CDNF: variants seen among roughly 807,000 people sequenced by gnomAD.
The protein encoded by CDNF is ARMET-like protein 1.
Under a neutral mutation model 14.8 loss-of-function variants are expected in CDNF, and 9 were observed. The observed-to-expected ratio is 0.61, with a 90% CI of 0.37 to 1.06. The LOEUF is 1.06. Among genes scored for constraint, CDNF ranks in the 50% least tolerant of loss-of-function variants. The probability of loss-of-function intolerance (pLI) is 0.01; values close to 1 mark genes in which losing one functional copy is unlikely to be tolerated. For missense variants in CDNF, 228 were observed against 228.4 expected (o/e 1.00, Z 0.01); for synonymous variants, 86 against 87.2 (o/e 0.99, Z 0.07).
chr10:14,835,143 A>G (rs961948757), intron 1 of CDNF, among the ~76,000 whole-genome samples: 1 of 152,202 alleles, frequency 6.6e-6, no homozygotes, highest in Non-Finnish European at 1.5e-5. Flanking sequence ...ATGTTGATGT[A>G]CATCATATCT....
intron 1 of CDNF, among the ~76,000 whole-genome samples, chr10:14,832,093 TAAG>T (rs1833848916): frequency 6.6e-6 from 1 of 152,036 alleles, no homozygotes; most frequent in African/African-American, 2.4e-5. Flanking sequence ...ATAAACATGG[TAAG>T]GAGGATGGAG....
At chr10:14,834,060 G>T (rs1489194479) in intron 1 of CDNF, among the ~76,000 whole-genome samples, 1 of 152,110 alleles carries the variant, frequency 6.6e-6, no homozygotes, top group Non-Finnish European at 1.5e-5. Flanking sequence ...CTATCATCAG[G>T]CCAGGCACGG....
intron 1 of CDNF, 147 bp downstream of exon 1, chr10:14,837,684 TG>T: frequency 1.7e-6 from 1 of 577,902 alleles, no homozygotes; most frequent in Non-Finnish European, 3.1e-6. Context: ...TTACTCGAGC[TG>T]GGCTTGGGCG....
intron 2 of CDNF, among the ~76,000 whole-genome samples, chr10:14,826,449 AAGC>A (rs1442558649): frequency 5.3e-5 from 8 of 151,048 alleles, no homozygotes; most frequent in African/African-American, 2.0e-4. Flanking sequence ...GAAGCAGAAG[AAGC>A]AGAAGAAGAA....
At chr10:14,833,787 A>G (rs111972185) in intron 1 of CDNF, among the ~76,000 whole-genome samples, 2,151 of 152,266 alleles carry the variant, frequency 0.014, 60 homozygotes, top group African/African-American at 0.048. Context: ...GTGAAATCCC[A>G]ATGTTTAGCA....
intron 2 of CDNF, 128 bp from the exon 3 acceptor site, chr10:14,825,748 C>A: frequency 1.1e-5 from 11 of 996,346 alleles, no homozygotes; most frequent in Non-Finnish European, 1.5e-5. Flanking sequence ...CCTGTAATCC[C>A]AGCACTTTGG....
chr10:14,825,321 C>T (rs912905575), intron 3 of CDNF, among the ~76,000 whole-genome samples, 158 bp downstream of exon 3: 3 of 152,162 alleles, frequency 2.0e-5, no homozygotes, highest in East Asian at 1.9e-4. Context: ...CTCAACGAAA[C>T]TCAAATGCCC....
intron 2 of CDNF, 46 bp from the exon 3 acceptor site, chr10:14,825,666 TTC>T: frequency 1.3e-6 from 2 of 1,582,182 alleles, no homozygotes; most frequent in Non-Finnish European, 8.7e-7. Flanking sequence ...AATGAAGACA[TTC>T]AGTATCATTC....
chr10:14,831,513 T>C (rs1466012264), intron 1 of CDNF, among the ~76,000 whole-genome samples: 1 of 149,440 alleles, frequency 6.7e-6, no homozygotes, highest in Non-Finnish European at 1.5e-5. Context: ...TATACATATA[T>C]ATAAAATACA....
chr10:14,827,328 A>G (rs1241651019), intron 2 of CDNF, among the ~76,000 whole-genome samples: 1 of 152,172 alleles, frequency 6.6e-6, no homozygotes. Context: ...GTAACTGACA[A>G]TCTGACAATT....
rs1225719444 is a variant in CDNF, at chr10:14,837,965, A to C, written c.-19T>G. The C allele has an allele frequency of 6.4e-7, 1 of 1,556,918 alleles. No individual in the cohort carries two copies. The highest frequency in any genetic ancestry group is 1.2e-5 in the South Asian group (1 of 86,134). On this transcript the variant is annotated 5_prime_UTR_variant, in exon 1 of 4. Coordinates refer to ENST00000465530, the MANE Select transcript of CDNF (RefSeq NM_001029954.3). ...ACCACATGCTGGGCCAGCAGCTTCA[A>C]TCGCCTCCGCCACCCGCGCCCACCG...
intron 3 of CDNF, among the ~76,000 whole-genome samples, chr10:14,822,186 C>G (rs550495751): frequency 6.6e-6 from 1 of 152,140 alleles, no homozygotes; most frequent in Non-Finnish European, 1.5e-5. Context: ...TGCCAGCCAA[C>G]CTGGCTTCTA....
intron 2 of CDNF, among the ~76,000 whole-genome samples, chr10:14,827,113 A>T (rs555253193): frequency 6.6e-6 from 1 of 151,284 alleles, no homozygotes; most frequent in African/African-American, 2.4e-5. Flanking sequence ...CATGTGCCTT[A>T]GTCCCAGATA....
chr10:14,821,030 C>T (rs922277456), intron 3 of CDNF, among the ~76,000 whole-genome samples: 1 of 152,182 alleles, frequency 6.6e-6, no homozygotes, highest in African/African-American at 2.4e-5. Flanking sequence ...TCTAAGTTTC[C>T]TGAGGCCTCC....
At position 14,836,079 on chromosome 10, in the gene CDNF, G is replaced by A. The variant is rs554117868; in HGVS notation, c.115+1753C>T. The stretch of plus-strand genomic sequence containing the variant: ...CGAAACATATCAATAGGTCCGAGAC[G>A]GCTCAGGAACCATTCAGTTTTTTTG... On this transcript the variant is annotated intron_variant, in intron 1 of 3. Coordinates refer to ENST00000465530, the MANE Select transcript of CDNF (RefSeq NM_001029954.3). Among the ~76,000 whole-genome samples the A allele has an allele frequency of 3.3e-5, 5 of 152,246 alleles. No individual in the cohort carries two copies. In the East Asian group the frequency reaches 5.8e-4, roughly 18 times the overall value.
rs781534051 is a variant in CDNF at position 14,837,826 on chromosome 10, G to A, written c.115+6C>T. 13 of 1,555,004 alleles carry A rather than the reference G, an allele frequency of 8.4e-6. No individual in the cohort carries two copies. Among genetic ancestry groups the A allele is most frequent in the Non-Finnish European group, 1.1e-5 (13 of 1,144,782 alleles). ...CCGCCATGCAAGCAGTTGTCACACCGCTCACCTTCACAGTCGGCCCCTGGC... is the reference window on the plus strand; with the variant it reads ...CCGCCATGCAAGCAGTTGTCACACCACTCACCTTCACAGTCGGCCCCTGGC... On this transcript the variant is annotated splice_donor_region_variant and intron_variant, in intron 1 of 3. Transcript: ENST00000465530.
chr10:14,826,042 A>AGAAGAG (rs1833780453), intron 2 of CDNF, among the ~76,000 whole-genome samples: 1 of 100,678 alleles, frequency 9.9e-6, no homozygotes, highest in African/African-American at 4.0e-5. Flanking sequence ...AAGAAGAAGA[A>AGAAGAG]GAAGAAGAAG....
At chr10:14,828,691 G>A (rs1226936250) in intron 1 of CDNF, among the ~76,000 whole-genome samples, 1 of 150,574 alleles carries the variant, frequency 6.6e-6, no homozygotes, top group Non-Finnish European at 1.5e-5. Flanking sequence ...CTTCATGACA[G>A]TGGATTCCAA....
intron 1 of CDNF, among the ~76,000 whole-genome samples, chr10:14,834,733 T>A (rs1327837412): frequency 6.6e-6 from 1 of 152,046 alleles, no homozygotes; most frequent in Non-Finnish European, 1.5e-5. Context: ...ATATGAGAAG[T>A]GTATCAGATA....
Sources: gnomAD v4.1 joint callset for allele counts (sites outside exome capture counted in the v4.1 genomes callset) on GRCh38, gnomAD v4.1.1 for gene constraint, MANE v1.5 for transcripts, NCBI Gene and HGNC (gene_info 2026-07-23, HGNC 2026-07-21) for gene names.